The following ASTN2 variants were observed in gnomAD, a reference collection of about 807,000 sequenced individuals.
The protein encoded by ASTN2 is astrotactin 2, also known as astrotactin-2.
Under a neutral mutation model 139.8 loss-of-function variants are expected in ASTN2, and 54 were observed. That is an observed-to-expected ratio of 0.39 (90% CI 0.31 to 0.48). The LOEUF is 0.48. Ranked by LOEUF, ASTN2 falls within the 20% of genes least tolerant of loss-of-function variation. The probability of loss-of-function intolerance (pLI) is 0.95; values close to 1 mark genes in which losing one functional copy is unlikely to be tolerated. For missense variants in ASTN2, 1,565 were observed against 1,725.1 expected, an observed-to-expected ratio of 0.91 and a Z score of 1.64; for synonymous variants, 756 against 719.5, an observed-to-expected ratio of 1.05 and a Z score of -0.81.
chr9:117,386,329 A>G (rs79403104), intron 1 of ASTN2, among the ~76,000 whole-genome samples: 1 of 152,182 alleles, frequency 6.6e-6, no homozygotes, highest in Non-Finnish European at 1.5e-5. Context: ...CGCAGTTAAC[A>G]TGGAGCAGCT....
intron 13 of ASTN2, among the ~76,000 whole-genome samples, chr9:116,797,755 C>T (rs1588301001): frequency 6.6e-6 from 1 of 152,284 alleles, no homozygotes; most frequent in Middle Eastern, 3.4e-3. Context: ...AGTGCACAAA[C>T]ACAACTTTCC....
chr9:116,810,448 T>C (rs1831134595), intron 12 of ASTN2, among the ~76,000 whole-genome samples: 1 of 152,200 alleles, frequency 6.6e-6, no homozygotes, highest in African/African-American at 2.4e-5. Context: ...TGCTTATCTA[T>C]AAAGAAGATC....
intron 19 of ASTN2, among the ~76,000 whole-genome samples, chr9:116,538,186 G>T (rs1178657607): frequency 6.6e-6 from 1 of 151,960 alleles, no homozygotes; most frequent in Admixed American, 6.6e-5. Flanking sequence ...AAGAAAGGGA[G>T]GGAGGAAGGG....
chr9:117,208,405 GAA>G, intron 3 of ASTN2, among the ~76,000 whole-genome samples: 1 of 147,112 alleles, frequency 6.8e-6, no homozygotes, highest in East Asian at 2.0e-4. Context: ...AGGGCAAGCA[GAA>G]AAAAAAATCT....
intron 19 of ASTN2, among the ~76,000 whole-genome samples, chr9:116,573,020 C>CACACACACAA (rs1554715502): frequency 4.0e-5 from 6 of 151,548 alleles, no homozygotes; most frequent in Non-Finnish European, 7.4e-5. Context: ...CATGCACACA[C>CACACACACAA]ACACACACAC....
At chr9:116,885,276 CCT>C (rs1833566209) in intron 10 of ASTN2, among the ~76,000 whole-genome samples, 1 of 152,024 alleles carries the variant, frequency 6.6e-6, no homozygotes, top group South Asian at 2.1e-4. Flanking sequence ...TAATAAATAC[CCT>C]GACTTGATCA....
chr9:116,428,706 C>T (rs1016855562), intron 22 of ASTN2, among the ~76,000 whole-genome samples: 1 of 152,082 alleles, frequency 6.6e-6, no homozygotes, highest in African/African-American at 2.4e-5. Context: ...CAACCACAGG[C>T]TCCAGAACAC....
chr9:116,858,122 C>T (rs1832788254), intron 11 of ASTN2, among the ~76,000 whole-genome samples: 1 of 152,184 alleles, frequency 6.6e-6, no homozygotes. Context: ...AATAAAGGAA[C>T]CCTTCTGCAA....
chr9:117,297,054 G>A (rs1212354570), intron 1 of ASTN2, among the ~76,000 whole-genome samples: 2 of 152,188 alleles, frequency 1.3e-5, no homozygotes, highest in East Asian at 3.9e-4. Context: ...GGCACTCATT[G>A]TATTTTTATT....
chr9:116,926,306 G>A (rs1289682239), intron 10 of ASTN2, among the ~76,000 whole-genome samples: 4 of 152,172 alleles, frequency 2.6e-5, no homozygotes, highest in Non-Finnish European at 4.4e-5. Flanking sequence ...AATAATTTAT[G>A]CAGTTCCCTT....
chr9:116,807,104 C>G (rs972906072), intron 12 of ASTN2, among the ~76,000 whole-genome samples: 2 of 152,152 alleles, frequency 1.3e-5, no homozygotes, highest in Non-Finnish European at 2.9e-5. Context: ...CAAAATGACC[C>G]TGGTTGGTAT....
Position 117,071,577 on chromosome 9 carries a change from A to T in ASTN2, c.1276+24467T>A, listed in dbSNP as rs550588294. Among the ~76,000 whole-genome samples the T allele has an allele frequency of 3.6e-3, 549 of 150,830 alleles. 3 individuals carry two copies. Among genetic ancestry groups the T allele is most frequent in the Non-Finnish European group, 5.4e-3 (367 of 67,574 alleles). On this transcript the variant is annotated intron_variant, in intron 5 of 22. Coordinates refer to ENST00000313400, the MANE Select transcript of ASTN2 (RefSeq NM_001365068.1). ...CCCAGCTGCTTTGTTTACCTAAGCA[A>T]GCCTGGGCAATGGCGGGCGCCCCTC... is the stretch of plus-strand genomic sequence containing the variant.
intron 12 of ASTN2, among the ~76,000 whole-genome samples, chr9:116,815,348 T>C (rs1249328419): frequency 6.6e-6 from 1 of 152,176 alleles, no homozygotes; most frequent in Non-Finnish European, 1.5e-5. Flanking sequence ...ATGTGTTATT[T>C]GAGCTAATGT....
At chr9:117,249,483 T>G (rs1312026196) in intron 2 of ASTN2, among the ~76,000 whole-genome samples, 1 of 152,178 alleles carries the variant, frequency 6.6e-6, no homozygotes, top group East Asian at 1.9e-4. Context: ...TTTTCAAACT[T>G]TATTTTGTAG....
At chr9:117,410,495 A>G (rs534583660) in intron 1 of ASTN2, among the ~76,000 whole-genome samples, 1 of 152,324 alleles carries the variant, frequency 6.6e-6, no homozygotes, top group East Asian at 1.9e-4. Flanking sequence ...TAGAATCTTT[A>G]CACGAAAGGA....
chr9:117,051,226 T>TA (rs11317018), intron 5 of ASTN2, among the ~76,000 whole-genome samples: 244 of 151,304 alleles, frequency 1.6e-3, no homozygotes, highest in African/African-American at 5.5e-3. Context: ...GCTTATTAAC[T>TA]AAAAAAAAAA....
At position 116,972,041 on chromosome 9, in the gene ASTN2, C is replaced by T. The variant is rs954055784; in HGVS notation, c.1889+3167G>A. Among the ~76,000 whole-genome samples, 3 of 152,150 alleles carry T rather than the reference C, an allele frequency of 2.0e-5. No homozygotes were observed. The East Asian group carries it at 5.8e-4, about 29-fold the overall frequency. The stretch of plus-strand genomic sequence containing the variant: ...AAGTGTGAAGCTCAGTGAATTTTCA[C>T]AGAGTTAAAACACTCATGTAACCAC... On this transcript the variant is annotated intron_variant, in intron 10 of 22. Coordinates refer to ENST00000313400, the MANE Select transcript of ASTN2 (RefSeq NM_001365068.1).
intron 4 of ASTN2, among the ~76,000 whole-genome samples, chr9:117,113,726 A>T (rs1286343987): frequency 6.6e-6 from 1 of 152,224 alleles, no homozygotes; most frequent in Non-Finnish European, 1.5e-5. Context: ...AAGAAATTTC[A>T]AAGTCTTTAT....
chr9:116,692,653 A>G (rs1019075185), intron 16 of ASTN2, among the ~76,000 whole-genome samples: 3 of 152,120 alleles, frequency 2.0e-5, no homozygotes, highest in Non-Finnish European at 4.4e-5. Context: ...TCCTTAATCT[A>G]TATAATACTG....
Sources: gnomAD v4.1 joint callset for allele counts (sites outside exome capture counted in the v4.1 genomes callset) on GRCh38, gnomAD v4.1.1 for gene constraint, MANE v1.5 for transcripts, NCBI Gene and HGNC (gene_info 2026-07-23, HGNC 2026-07-21) for gene names.